The following KSR2 variants were observed in gnomAD, a reference collection of about 807,000 sequenced individuals.
The protein encoded by KSR2 is kinase suppressor of ras 2.
Under a neutral mutation model 107.8 loss-of-function variants are expected in KSR2, and 25 were observed. The ratio of observed to expected loss-of-function variants is 0.23; its 90% CI spans 0.17 to 0.32. The LOEUF is 0.32. Ranked by LOEUF, KSR2 falls within the 10% of genes least tolerant of loss-of-function variation. KSR2 has a pLI of 1.00. For synonymous variants in KSR2, 480 were observed against 507.0 expected (o/e 0.95, Z 0.71); for missense variants, 887 against 1,268.9 (o/e 0.70, Z 4.57).
intron 1 of KSR2, among the ~76,000 whole-genome samples, chr12:117,872,565 C>CA (rs554495336): frequency 0.016 from 2,015 of 122,888 alleles, 20 homozygotes; most frequent in African/African-American, 0.038. Context: ...ACGCTGTCTC[C>CA]AAAAAAAAAA....
chr12:117,790,097 C>G (rs1450850952), intron 3 of KSR2, among the ~76,000 whole-genome samples: 2 of 152,194 alleles, frequency 1.3e-5, no homozygotes, highest in African/African-American at 4.8e-5. Flanking sequence ...TTCCACTCCA[C>G]TGCATGGGAC....
chr12:117,574,197 T>C (rs1226462213), intron 7 of KSR2, among the ~76,000 whole-genome samples: 1 of 151,940 alleles, frequency 6.6e-6, no homozygotes, highest in Non-Finnish European at 1.5e-5. Context: ...AAAACTGTTT[T>C]TTTTTTTCTT....
At chr12:117,549,507 C>G (rs1328974534) in intron 9 of KSR2, among the ~76,000 whole-genome samples, 2 of 152,112 alleles carry the variant, frequency 1.3e-5, no homozygotes, top group African/African-American at 4.8e-5. Flanking sequence ...ATCCTCTAGA[C>G]TAGGCACTCC....
chr12:117,527,271 C>T (rs1342339015), intron 12 of KSR2, among the ~76,000 whole-genome samples, 152 bp from the exon 13 acceptor site: 3 of 148,344 alleles, frequency 2.0e-5, no homozygotes, highest in Non-Finnish European at 4.5e-5. Context: ...TGAAATAATC[C>T]ATAACCTCGA....
intron 3 of KSR2, among the ~76,000 whole-genome samples, chr12:117,771,349 C>T (rs1209182210): frequency 1.3e-5 from 2 of 152,124 alleles, no homozygotes; most frequent in African/African-American, 4.8e-5. Flanking sequence ...CTTGAGTTGT[C>T]CCGCCTTTCT....
At chr12:117,884,181 C>T (rs1030302621) in intron 1 of KSR2, among the ~76,000 whole-genome samples, 1 of 152,144 alleles carries the variant, frequency 6.6e-6, no homozygotes, top group African/African-American at 2.4e-5. Context: ...AAACTCTGAA[C>T]TCACCCAGGC....
At chr12:117,485,816 T>G in intron 14 of KSR2, 125 bp from the exon 15 acceptor site, 1 of 654,752 alleles carries the variant, frequency 1.5e-6, no homozygotes, top group Non-Finnish European at 2.7e-6. Context: ...GCTTATGAGA[T>G]AATAAGTCTG....
At chr12:117,634,916 A>C (rs971258623) in intron 5 of KSR2, among the ~76,000 whole-genome samples, 4 of 152,192 alleles carry the variant, frequency 2.6e-5, no homozygotes, top group African/African-American at 4.8e-5. Context: ...AAGCCCACCC[A>C]GCAGAGGTTA....
At position 117,717,645 on chromosome 12, in the gene KSR2, G is replaced by A. The variant is rs182013393; in HGVS notation, c.986+43366C>T. ...TTTAGTCTATCTACCATCCATCCAT[G>A]TGGCATGTGTGGGGCAGACAGGTGT... On this transcript the variant is annotated intron_variant, in intron 4 of 19. Transcript: ENST00000339824. 1.1e-4 allele frequency among the ~76,000 whole-genome samples: 17 copies of A among 151,502 alleles called. No homozygotes were observed. The East Asian group carries it at 3.3e-3, about 29-fold the overall frequency.
rs1233768681 is a variant in KSR2 at position 117,842,787 on chromosome 12, G to A, written c.472+12641C>T. Among the ~76,000 whole-genome samples the A allele has an allele frequency of 6.6e-6, 1 of 152,182 alleles. No homozygotes were observed. Among genetic ancestry groups the A allele is most frequent in the East Asian group, 1.9e-4 (1 of 5,176 alleles). On this transcript the variant is annotated intron_variant, in intron 3 of 19. Transcript: ENST00000339824. This position sits in a 1 kb window ranked among gnomAD's most constrained non-coding sequence, Gnocchi z 4.2. ...GGTGGGCAAGACAGAGGGGGCAGGG[G>A]TGGCCTGCAAGAAAGAGAAAGTGGG...
chr12:117,573,825 G>A (rs767313251), intron 7 of KSR2, among the ~76,000 whole-genome samples: 1 of 152,046 alleles, frequency 6.6e-6, no homozygotes, highest in Non-Finnish European at 1.5e-5. Flanking sequence ...CACCGTGCCT[G>A]GCTCCTAATC....
chr12:117,559,317 C>T (rs990864009), intron 7 of KSR2, among the ~76,000 whole-genome samples: 3 of 152,170 alleles, frequency 2.0e-5, no homozygotes, highest in African/African-American at 7.2e-5. Context: ...ACTGCCCACA[C>T]GGACTTCACG....
intron 5 of KSR2, among the ~76,000 whole-genome samples, chr12:117,643,284 T>C (rs1484723795): frequency 6.6e-6 from 1 of 152,048 alleles, no homozygotes; most frequent in African/African-American, 2.4e-5. Flanking sequence ...CTCCTAGAAA[T>C]ATTAATACAA....
chr12:117,699,817 G>A (rs1405120805), intron 4 of KSR2, among the ~76,000 whole-genome samples: 1 of 152,050 alleles, frequency 6.6e-6, no homozygotes, highest in Non-Finnish European at 1.5e-5. Context: ...ACACTGCAAG[G>A]TTACAATGGC....
chr12:117,600,399 G>T (rs1880873361), intron 5 of KSR2, among the ~76,000 whole-genome samples: 1 of 152,190 alleles, frequency 6.6e-6, no homozygotes, highest in African/African-American at 2.4e-5. Context: ...GAGCCACTGT[G>T]CTCTGACACC....
chr12:117,511,505 G>A (rs1195990951), intron 14 of KSR2, among the ~76,000 whole-genome samples: 4 of 152,180 alleles, frequency 2.6e-5, no homozygotes, highest in Non-Finnish European at 5.9e-5. Flanking sequence ...CAGAGGTCAA[G>A]GTTATGCCCT....
At chr12:117,478,760 C>T (rs931273576) in intron 16 of KSR2, among the ~76,000 whole-genome samples, 2 of 152,138 alleles carry the variant, frequency 1.3e-5, no homozygotes, top group Admixed American at 6.5e-5. Flanking sequence ...TAGCCCTGAA[C>T]TTTTCATTTT....
intron 5 of KSR2, among the ~76,000 whole-genome samples, chr12:117,598,105 C>A (rs1880745817): frequency 6.6e-6 from 1 of 152,180 alleles, no homozygotes; most frequent in Admixed American, 6.5e-5. Context: ...GGACATTGCA[C>A]CCCATGTGTA....
chr12:117,605,103 T>C (rs774233293), intron 5 of KSR2, among the ~76,000 whole-genome samples: 1 of 152,204 alleles, frequency 6.6e-6, no homozygotes, highest in Non-Finnish European at 1.5e-5. Flanking sequence ...AAAGAAGAGA[T>C]GGAATGAATT....
Sources: gnomAD v4.1 joint callset for allele counts (sites outside exome capture counted in the v4.1 genomes callset) on GRCh38, gnomAD v4.1.1 for gene constraint, Gnocchi (gnomAD v3.1) non-coding constraint, MANE v1.5 for transcripts, NCBI Gene and HGNC (gene_info 2026-07-23, HGNC 2026-07-21) for gene names.